PRELID2: variants seen among roughly 807,000 people sequenced by gnomAD.
PRELID2 encodes the protein PRELI domain-containing protein 2.
In PRELID2, 25 loss-of-function variants were observed where a neutral mutation model predicts 28.4. The observed-to-expected ratio is 0.88, with a 90% confidence interval of 0.64 to 1.23. The LOEUF (loss-of-function observed/expected upper bound fraction) is 1.23, where lower values mean the gene tolerates loss of function less well. PRELID2 is among the 50% of genes most tolerant of loss of function. The pLI is 0.00. For synonymous variants in PRELID2, 76 were observed against 71.6 expected (o/e 1.06, Z -0.31); for missense variants, 201 against 214.4 (o/e 0.94, Z 0.39).
intron 1 of PRELID2, among the ~76,000 whole-genome samples, chr5:145,644,586 T>C (rs774314933): frequency 7.9e-5 from 12 of 152,168 alleles, no homozygotes; most frequent in Non-Finnish European, 1.2e-4. Context: ...CTTGCTTCTC[T>C]GGTTCTTTAA....
At chr5:145,717,496 T>C (rs1325554708) in intron 1 of PRELID2, among the ~76,000 whole-genome samples, 1 of 152,008 alleles carries the variant, frequency 6.6e-6, no homozygotes, top group Non-Finnish European at 1.5e-5. Flanking sequence ...ACGCATGTAT[T>C]TGAGTAAAGA....
At chr5:145,778,385 G>A (rs866018506) in intron 5 of PRELID2, among the ~76,000 whole-genome samples, 5 of 152,140 alleles carry the variant, frequency 3.3e-5, no homozygotes, top group East Asian at 1.9e-4. Context: ...CACACTCTAC[G>A]GGACACCCTG....
the PRELID2 span, among the ~76,000 whole-genome samples, chr5:145,424,359 C>T: frequency 2.0e-5 from 3 of 152,360 alleles, no homozygotes; most frequent in Admixed American, 2.0e-4. Context: ...GCAGTTTGAT[C>T]TCAGACTGCT....
chr5:145,583,118 G>A (rs1193502368), intron 1 of PRELID2, among the ~76,000 whole-genome samples: 1 of 152,106 alleles, frequency 6.6e-6, no homozygotes, highest in African/African-American at 2.4e-5. Flanking sequence ...TCATCCCTGG[G>A]ATGCAAGGTT....
chr5:145,349,386 G>T, the PRELID2 span, among the ~76,000 whole-genome samples: 1 of 151,968 alleles, frequency 6.6e-6, no homozygotes, highest in South Asian at 2.1e-4. Flanking sequence ...ATTATGATTG[G>T]TTCCCATTTG....
chr5:145,493,881 G>A (rs1752288246), intron 1 of PRELID2, among the ~76,000 whole-genome samples: 1 of 152,116 alleles, frequency 6.6e-6, no homozygotes, highest in Non-Finnish European at 1.5e-5. Context: ...ATTTTTAAAT[G>A]ACTCTTAAGA....
rs1752592070 is a variant in PRELID2 at position 145,524,590 on chromosome 5, T to C, written n.71-51275A>G. Among the ~76,000 whole-genome samples the C allele has an allele frequency of 2.0e-5, 3 of 152,214 alleles. No homozygotes were observed. The South Asian group carries it at 6.2e-4, about 32-fold the overall frequency. On this transcript the variant is annotated intron_variant and non_coding_transcript_variant, in intron 1 of 2. Transcript: ENST00000510259. ...TCCATGTGGTAATTCTGTAAGTTTG[T>C]CCCTTGCTAACGTGGAAGCTCAAAA... is the stretch of plus-strand genomic sequence containing the variant.
At chr5:145,674,503 C>T (rs1430481168) in intron 1 of PRELID2, among the ~76,000 whole-genome samples, 1 of 152,242 alleles carries the variant, frequency 6.6e-6, no homozygotes, top group African/African-American at 2.4e-5. Context: ...TTTATTAATT[C>T]AGATTCAGCA....
chr5:145,565,519 G>A (rs1007023580), intron 1 of PRELID2, among the ~76,000 whole-genome samples: 1 of 152,252 alleles, frequency 6.6e-6, no homozygotes, highest in Admixed American at 6.5e-5. Context: ...CAATTGTAAT[G>A]CAGTAATGCA....
chr5:145,358,626 A>G, the PRELID2 span, among the ~76,000 whole-genome samples: 4 of 152,248 alleles, frequency 2.6e-5, no homozygotes, highest in Admixed American at 1.3e-4. Flanking sequence ...AAAGCCAAAG[A>G]AGAAAAAGGT....
At chr5:145,595,547 T>C (rs1753292883) in intron 1 of PRELID2, among the ~76,000 whole-genome samples, 1 of 152,196 alleles carries the variant, frequency 6.6e-6, no homozygotes, top group African/African-American at 2.4e-5. Context: ...TGCCAGGCAC[T>C]GGACTAAGAT....
chr5:145,318,958 G>A, the PRELID2 span, among the ~76,000 whole-genome samples: 1 of 152,116 alleles, frequency 6.6e-6, no homozygotes, highest in Admixed American at 6.5e-5. Context: ...ATGGGAAGAT[G>A]ATCTTCCCCT....
At chr5:145,334,743 T>C in the PRELID2 span, among the ~76,000 whole-genome samples, 1 of 151,782 alleles carries the variant, frequency 6.6e-6, no homozygotes, top group Non-Finnish European at 1.5e-5. Flanking sequence ...AAGAACAGCT[T>C]TGCCAAGCAT....
chr5:145,412,089 G>C, the PRELID2 span, among the ~76,000 whole-genome samples: 3 of 152,046 alleles, frequency 2.0e-5, no homozygotes, highest in Non-Finnish European at 4.4e-5. Flanking sequence ...TGATGGGAGG[G>C]GCTGCTGTGA....
chr5:145,484,160 T>C (rs1354929797), intron 1 of PRELID2, among the ~76,000 whole-genome samples: 1 of 152,202 alleles, frequency 6.6e-6, no homozygotes, highest in African/African-American at 2.4e-5. Context: ...AATTACTTAC[T>C]ACAAGGGAGG....
intron 1 of PRELID2, among the ~76,000 whole-genome samples, chr5:145,582,612 A>C (rs1209756558): frequency 6.6e-5 from 10 of 152,080 alleles, no homozygotes; most frequent in Non-Finnish European, 1.5e-4. Context: ...AATAATGAGG[A>C]TATCACCACT....
At chr5:145,492,507 C>A (rs10045583) in intron 1 of PRELID2, among the ~76,000 whole-genome samples, 3,278 of 141,288 alleles carry the variant, frequency 0.023, 395 homozygotes, top group African/African-American at 0.077. Context: ...TGTTTTATAG[C>A]AGCTTTTTAG....
rs533591725 is a variant in PRELID2, at chr5:145,756,879, A to G, written c.*3657T>C. On this transcript the variant is annotated 3_prime_UTR_variant, in exon 7 of 7. Coordinates refer to ENST00000683046, the MANE Select transcript of PRELID2 (RefSeq NM_205846.3). ...TAAATGACAGATAAAAGTGAGGGAAAAGAAAAACTCTAAAAACCATGGTAG... is the reference window on the plus strand; with the variant it reads ...TAAATGACAGATAAAAGTGAGGGAAGAGAAAAACTCTAAAAACCATGGTAG... Among the ~76,000 whole-genome samples, 65 of 152,328 alleles carry G rather than the reference A, an allele frequency of 4.3e-4. No homozygotes were observed. The South Asian group carries it at 0.012, about 27-fold the overall frequency.
At chr5:145,696,565 G>C (rs1237555611) in intron 1 of PRELID2, among the ~76,000 whole-genome samples, 2 of 152,084 alleles carry the variant, frequency 1.3e-5, no homozygotes, top group African/African-American at 2.4e-5. Flanking sequence ...AGTCTCAAGT[G>C]ATCTTTCCAC....
Sources: allele counts gnomAD v4.1 joint callset (sites outside exome capture counted in the v4.1 genomes callset), GRCh38; gene constraint gnomAD v4.1.1; transcripts MANE v1.5; gene names NCBI Gene and HGNC (gene_info 2026-07-23, HGNC 2026-07-21).